The following IRAK4 variants were observed in gnomAD, a reference collection of about 807,000 sequenced individuals.
IRAK4 encodes the protein interleukin 1 receptor associated kinase 4.
IRAK4 carries 44 observed loss-of-function variants against 51.8 expected under a neutral mutation model. The ratio of observed to expected loss-of-function variants is 0.85; its 90% confidence interval spans 0.67 to 1.09. The LOEUF is 1.09. IRAK4 is among the 50% of genes least tolerant of loss of function. IRAK4 has a pLI of 0.00. For synonymous variants in IRAK4, 149 were observed against 174.1 expected (o/e 0.86, Z 1.13); for missense variants, 487 against 538.0 (o/e 0.91, Z 0.94).
At chr12:43,760,466 C>G (rs1246487472) in intron 1 of IRAK4, among the ~76,000 whole-genome samples, 10 of 152,202 alleles carry the variant, frequency 6.6e-5, no homozygotes, top group Admixed American at 6.5e-4. Context: ...ACATCTCACC[C>G]AGAGGATAAA....
intron 1 of IRAK4, among the ~76,000 whole-genome samples, chr12:43,766,636 T>C (rs1331453724): frequency 6.6e-6 from 1 of 152,158 alleles, no homozygotes; most frequent in Non-Finnish European, 1.5e-5. Flanking sequence ...AACAATGCAT[T>C]GTGTTATAAA....
At chr12:43,773,920 A>G in intron 5 of IRAK4, 45 bp from the exon 6 acceptor site, 1 of 1,246,802 alleles carries the variant, frequency 8.0e-7, no homozygotes, top group Non-Finnish European at 1.2e-6. Flanking sequence ...AGCATTAGGA[A>G]CCTTAGAATT....
chr12:43,778,600 A>G (rs1469340815), intron 8 of IRAK4, among the ~76,000 whole-genome samples: 1 of 152,100 alleles, frequency 6.6e-6, no homozygotes, highest in Non-Finnish European at 1.5e-5. Flanking sequence ...ATGGATCACT[A>G]TTCTTTTCTG....
intron 1 of IRAK4, chr12:43,760,792 CCA>C (rs1201472753): frequency 1.3e-5 from 2 of 152,322 alleles, no homozygotes; most frequent in South Asian, 2.1e-4. Flanking sequence ...TCACTTGGCA[CCA>C]TCTAACATAC....
In IRAK4 at chr12:43,773,019, G is replaced by C. The variant is rs377074100; in HGVS notation, c.598G>C (p.Val200Leu). The change falls in exon 5 of 12, where the codon GTA becomes CTA. Residue 200 changes from valine to leucine, a missense_variant. Coordinates refer to ENST00000613694, the MANE Select transcript of IRAK4 (RefSeq NM_016123.4). ...AATGGGAGAGGGAGGATTTGGAGTT[G>C]TATATAAAGGCTACGTAAATAACAC... ...NKMGEGGFGV[V>L]YKGYVNNTTV... 48 of 1,613,142 alleles carry C rather than the reference G, an allele frequency of 3.0e-5. No individual in the cohort carries two copies. The highest frequency in any genetic ancestry group is 4.0e-5 in the Non-Finnish European group (47 of 1,179,404).
intron 8 of IRAK4, among the ~76,000 whole-genome samples, chr12:43,778,648 T>A (rs958153243): frequency 6.6e-6 from 1 of 152,188 alleles, no homozygotes; most frequent in African/African-American, 2.4e-5. Context: ...TTCAGTTCTC[T>A]TTCTTTCTTG....
intron 1 of IRAK4, among the ~76,000 whole-genome samples, chr12:43,761,561 C>G (rs1364523240): frequency 6.6e-6 from 1 of 151,858 alleles, no homozygotes; most frequent in Non-Finnish European, 1.5e-5. Flanking sequence ...ATTACTATCT[C>G]TGTTTTTCAG....
intron 2 of IRAK4, among the ~76,000 whole-genome samples, chr12:43,770,393 GTCAAATGAGA>G (rs1394639259): frequency 6.6e-6 from 1 of 152,044 alleles, no homozygotes; most frequent in East Asian, 1.9e-4. Context: ...ACACTCTTTT[GTCAAATGAGA>G]TCTGAATTTG....
chr12:43,768,532 C>A, intron 2 of IRAK4: 1 of 313,832 alleles, frequency 3.2e-6, no homozygotes, highest in Non-Finnish European at 5.8e-6. Context: ...TGCTGTGGTT[C>A]CCTGTTTGGC....
intron 1 of IRAK4, among the ~76,000 whole-genome samples, chr12:43,764,056 A>G (rs1939860423): frequency 6.6e-6 from 1 of 152,170 alleles, no homozygotes; most frequent in Non-Finnish European, 1.5e-5. Flanking sequence ...CTTCAACTGT[A>G]TATGTGTATA....
chr12:43,786,724 TG>T lies in IRAK4; in HGVS notation c.*11del. The T allele has an allele frequency of 6.2e-7, 1 of 1,611,484 alleles. No homozygotes were observed. The highest frequency in any genetic ancestry group is 8.5e-7 in the Non-Finnish European group (1 of 1,177,880). On this transcript the variant is annotated 3_prime_UTR_variant, in exon 12 of 12. Transcript: ENST00000613694. ...AGATGACAGCTTCTTAAAACTTTAT[TG>T]GAAAAGACTCTTGACTTTTTATATA...
intron 10 of IRAK4, among the ~76,000 whole-genome samples, chr12:43,786,039 ATTT>A (rs58528160): frequency 1.4e-5 from 2 of 140,464 alleles, no homozygotes; most frequent in Non-Finnish European, 1.6e-5. Flanking sequence ...TATGTCTTCA[ATTT>A]TTTTTTTTTT....
chr12:43,759,872 G>GAAAAAAA (rs1160443880), intron 1 of IRAK4, among the ~76,000 whole-genome samples: 3 of 76,530 alleles, frequency 3.9e-5, no homozygotes, highest in Non-Finnish European at 3.2e-5. Context: ...CGTCTCAAAA[G>GAAAAAAA]AAAAAAAAAA....
At chr12:43,778,480 AC>A (rs879902091) in intron 8 of IRAK4, among the ~76,000 whole-genome samples, 178 bp downstream of exon 8, 2 of 152,144 alleles carry the variant, frequency 1.3e-5, no homozygotes, top group Non-Finnish European at 2.9e-5. Flanking sequence ...AAGCCCAGTG[AC>A]CTACTTCCAG....
In IRAK4 at chr12:43,771,290, A is replaced by G. The variant is rs901161233; in HGVS notation, c.232A>G (p.Asn78Asp). 11 of 1,613,994 alleles carry G rather than the reference A, an allele frequency of 6.8e-6. No homozygotes were observed. The highest frequency in any genetic ancestry group is 7.6e-6 in the Non-Finnish European group (9 of 1,179,994). Residue 78 changes from asparagine (N) to aspartate (D), a missense_variant, in exon 3 of 12, where the codon AAT becomes GAT. By Grantham distance (23) the Asn-to-Asp change is conservative (BLOSUM62 1). Coordinates refer to ENST00000613694, the MANE Select transcript of IRAK4 (RefSeq NM_016123.4). ...SELLFDWGTTNCTVGDLVDLL... is the reference protein window; with the variant it reads ...SELLFDWGTTDCTVGDLVDLL... ...ATTACTGTTTGACTGGGGCACCACA[A>G]ATTGCACAGTTGGTGATCTTGTGGA...
chr12:43,778,193 G>A lies in IRAK4; in HGVS notation c.832G>A (p.Asp278Asn), dbSNP rs757311009. The change falls in exon 8 of 12, where the codon GAT becomes AAT. Residue 278 changes from aspartate to asparagine, a missense_variant and splice_region_variant. By Grantham distance (23) the Asp-to-Asn change is conservative. Coordinates refer to ENST00000613694, the MANE Select transcript of IRAK4 (RefSeq NM_016123.4). ...TTAATTTGGTTTATTTCTTTATAAGGATGGTACTCCACCACTTTCTTGGCA... is the reference window on the plus strand; with the variant it reads ...TTAATTTGGTTTATTTCTTTATAAGAATGGTACTCCACCACTTTCTTGGCA... ...GSLLDRLSCL[D>N]GTPPLSWHMR... 3.9e-6 allele frequency: 6 copies of A among 1,558,384 alleles called. No homozygotes were observed. In the Admixed American group the frequency reaches 8.3e-5, roughly 22 times the overall value.
chr12:43,778,926 G>T (rs1471714607), intron 8 of IRAK4, among the ~76,000 whole-genome samples: 1 of 152,198 alleles, frequency 6.6e-6, no homozygotes, highest in African/African-American at 2.4e-5. Flanking sequence ...ATGATGGGGA[G>T]AAGAACATTC....
rs770553873 is a variant in IRAK4, at chr12:43,775,874, CTTTTTTTTTTTT to C, written c.717-1742_717-1731del. Among the ~76,000 whole-genome samples the C allele has an allele frequency of 9.9e-5, 9 of 90,540 alleles. No individual in the cohort carries two copies. In the Admixed American group the frequency reaches 1.1e-3, roughly 11 times the overall value. The allele number at this position is 90,540 out of a possible 152,430, so 59.4% of individuals were successfully genotyped here. On this transcript the variant is annotated intron_variant, in intron 6 of 11. Coordinates refer to ENST00000613694, the MANE Select transcript of IRAK4 (RefSeq NM_016123.4). ...TCCTTACCTTCATTTAATATCATTA[CTTTTTTTTTTTT>C]TTTTTTTTTTTTTGAGACGGAATCT... is the stretch of plus-strand genomic sequence containing the variant.
Position 43,772,190 on chromosome 12 carries a change from C to G in IRAK4, c.318C>G (p.Pro106=), listed in dbSNP as rs56338336. ...PASLLLPDAV[P]KTANTLPSKE... ...TACTTCATTTGTTAGATGCTGTTCC[C>G]AAAACTGCTAATACACTACCTTCTA... is the stretch of plus-strand genomic sequence containing the variant. Residue 106 remains proline, a synonymous_variant, in exon 4 of 12, where the codon CCC becomes CCG. Coordinates refer to ENST00000613694, the MANE Select transcript of IRAK4 (RefSeq NM_016123.4). 10,184 of 1,612,940 alleles carry G rather than the reference C, an allele frequency of 6.3e-3. 48 individuals are homozygous for G. Among genetic ancestry groups the G allele is most frequent in the Non-Finnish European group, 7.2e-3 (8,531 of 1,179,508 alleles).
Sources: gnomAD v4.1 joint callset for allele counts (sites outside exome capture counted in the v4.1 genomes callset) on GRCh38, gnomAD v4.1.1 for gene constraint, MANE v1.5 for transcripts, NCBI Gene and HGNC (gene_info 2026-07-23, HGNC 2026-07-21) for gene names.